Variants in RAPGEF4 observed in about 807,000 individuals in gnomAD.
The protein encoded by RAPGEF4 is Rap guanine nucleotide exchange factor 4.
In RAPGEF4, 66 loss-of-function variants were observed where a neutral mutation model predicts 147.9. The observed-to-expected ratio is 0.45, with a 90% CI of 0.37 to 0.55. The LOEUF (loss-of-function observed/expected upper bound fraction) is 0.55. RAPGEF4 is among the 20% of genes least tolerant of loss of function. The pLI is 0.00. For synonymous variants in RAPGEF4, 419 were observed against 442.7 expected, an observed-to-expected ratio of 0.95 and a Z score of 0.67; for missense variants, 1,071 against 1,257.3, an observed-to-expected ratio of 0.85 and a Z score of 2.24.
rs1407116894 is a variant in RAPGEF4, at chr2:172,829,956, TTATATTCCATA to T, written c.444+15547_444+15557del. Among the ~76,000 whole-genome samples the T allele has an allele frequency of 3.3e-5, 5 of 151,816 alleles. No individual in the cohort carries two copies. The East Asian group carries it at 5.8e-4, about 18-fold the overall frequency. On this transcript the variant is annotated intron_variant, in intron 4 of 30. Coordinates refer to ENST00000397081, the MANE Select transcript of RAPGEF4 (RefSeq NM_007023.4). Reference sequence around the variant, plus strand: ...GACATTTTTATATGCGTGTGCATTTTTATATTCCATATATATTCCATATATAATACATATAT... The same window carrying T: ...GACATTTTTATATGCGTGTGCATTTTTATATTCCATATATAATACATATAT...
chr2:172,793,305 T>A (rs1011135643), intron 1 of RAPGEF4, among the ~76,000 whole-genome samples: 1 of 152,206 alleles, frequency 6.6e-6, no homozygotes, highest in Admixed American at 6.5e-5. Context: ...CCAAAGAAGA[T>A]TACATGCACA....
chr2:172,941,230 G>T (rs191606824), intron 6 of RAPGEF4, among the ~76,000 whole-genome samples: 1 of 152,076 alleles, frequency 6.6e-6, no homozygotes, highest in Non-Finnish European at 1.5e-5. Flanking sequence ...TAGGACTTCC[G>T]GTATGATAGT....
intron 2 of RAPGEF4, among the ~76,000 whole-genome samples, chr2:172,796,198 G>A (rs1488519567): frequency 6.6e-6 from 1 of 152,146 alleles, no homozygotes; most frequent in Non-Finnish European, 1.5e-5. Flanking sequence ...GGGCATGAGT[G>A]TTTCTGGGTG....
intron 17 of RAPGEF4, among the ~76,000 whole-genome samples, chr2:173,009,227 G>T (rs1046692337): frequency 6.6e-6 from 1 of 152,074 alleles, no homozygotes. Context: ...TGGGATTCCG[G>T]GTAACTTAAT....
chr2:172,789,511 T>C (rs1288638432), intron 1 of RAPGEF4, among the ~76,000 whole-genome samples: 16 of 152,166 alleles, frequency 1.1e-4, no homozygotes. Flanking sequence ...AATTTTTAAG[T>C]GTAGGATATA....
chr2:172,841,807 CACACACACACT>C (rs150430110), intron 4 of RAPGEF4, among the ~76,000 whole-genome samples: 72 of 137,664 alleles, frequency 5.2e-4, no homozygotes, highest in South Asian at 1.0e-3. Flanking sequence ...CACACACACA[CACACACACACT>C]ACACACACAC....
intron 17 of RAPGEF4, among the ~76,000 whole-genome samples, chr2:173,009,920 T>C (rs1694847726): frequency 6.6e-6 from 1 of 152,252 alleles, no homozygotes; most frequent in Non-Finnish European, 1.5e-5. Flanking sequence ...CAACAAACTT[T>C]GAAGTCATCT....
At chr2:172,771,271 G>C (rs757835960) in intron 1 of RAPGEF4, among the ~76,000 whole-genome samples, 1 of 152,002 alleles carries the variant, frequency 6.6e-6, no homozygotes, top group Admixed American at 6.6e-5. Flanking sequence ...AAGCCCCCTT[G>C]GGCTTCTTTT....
At chr2:173,002,834 G>A (rs950104281) in intron 17 of RAPGEF4, among the ~76,000 whole-genome samples, 4 of 152,094 alleles carry the variant, frequency 2.6e-5, no homozygotes, top group South Asian at 2.1e-4. Context: ...CTGTTTTACC[G>A]AGTAATGATG....
intron 13 of RAPGEF4, among the ~76,000 whole-genome samples, chr2:172,988,486 G>A (rs565924636): frequency 5.3e-5 from 8 of 152,188 alleles, no homozygotes; most frequent in Non-Finnish European, 1.0e-4. Context: ...GGATTATAGT[G>A]TGTACATTTA....
At chr2:172,849,074 CTTTT>C (rs71018522) in intron 4 of RAPGEF4, among the ~76,000 whole-genome samples, 1 of 134,348 alleles carries the variant, frequency 7.4e-6, no homozygotes. Flanking sequence ...GGGAGCTTTT[CTTTT>C]TTTTTTTTTT....
intron 4 of RAPGEF4, among the ~76,000 whole-genome samples, chr2:172,839,211 T>C (rs1200471914): frequency 6.6e-6 from 1 of 151,516 alleles, no homozygotes; most frequent in African/African-American, 2.4e-5. Flanking sequence ...GGAACGGGGG[T>C]CCAAGAACGC....
At chr2:172,805,055 G>T (rs1440091845) in intron 3 of RAPGEF4, among the ~76,000 whole-genome samples, 1 of 152,182 alleles carries the variant, frequency 6.6e-6, no homozygotes, top group Non-Finnish European at 1.5e-5. Context: ...TCAGATAGTG[G>T]CATGGATTCC....
intron 10 of RAPGEF4, 22 bp from the exon 11 acceptor site, chr2:172,983,472 CTT>C (rs59582070): frequency 1.8e-3 from 2,698 of 1,479,132 alleles, no homozygotes; most frequent in South Asian, 6.5e-3. Context: ...TTCCATATTC[CTT>C]TTTTTTTTTT....
chr2:172,970,022 C>T (rs936774518), intron 10 of RAPGEF4, among the ~76,000 whole-genome samples: 22 of 152,198 alleles, frequency 1.4e-4, no homozygotes, highest in African/African-American at 4.6e-4. Flanking sequence ...TTAGGTTTTT[C>T]GAAACTTTGC....
rs1443116901 is a variant in RAPGEF4, at chr2:173,048,638, C to T, written c.2892C>T (p.Tyr964=). ...ATACGGCCAGAACAGTGAGATACTA[C>T]AGGAGCCAACCCTTCAGTAAGTTAA... ...IANTARTVRY[Y]RSQPFNPDAA... is the part of the protein sequence containing the mutation. Residue 964 remains tyrosine, a synonymous_variant, in exon 30 of 31, where the codon TAC becomes TAT. Transcript: ENST00000397081. 9 of 1,613,956 alleles carry T rather than the reference C, an allele frequency of 5.6e-6. No individual in the cohort carries two copies. The highest frequency in any genetic ancestry group is 7.6e-6 in the Non-Finnish European group (9 of 1,180,022).
At chr2:172,936,994 G>A (rs961769261) in intron 6 of RAPGEF4, among the ~76,000 whole-genome samples, 1 of 116,096 alleles carries the variant, frequency 8.6e-6, no homozygotes, top group Admixed American at 1.3e-4. Flanking sequence ...GAGACCAAGA[G>A]TTCAAGACCA....
At chr2:172,837,227 G>C (rs566731818) in intron 4 of RAPGEF4, among the ~76,000 whole-genome samples, 1 of 152,294 alleles carries the variant, frequency 6.6e-6, no homozygotes, top group Non-Finnish European at 1.5e-5. Flanking sequence ...CTATGGGCTT[G>C]TCATTATGCT....
At chr2:173,011,694 A>G (rs1695039953) in intron 17 of RAPGEF4, among the ~76,000 whole-genome samples, 1 of 152,212 alleles carries the variant, frequency 6.6e-6, no homozygotes, top group Non-Finnish European at 1.5e-5. Context: ...TACTCAAAGT[A>G]GTCGGTTAAT....
Sources: gnomAD v4.1 joint callset for allele counts (sites outside exome capture counted in the v4.1 genomes callset) on GRCh38, gnomAD v4.1.1 for gene constraint, MANE v1.5 for transcripts, NCBI Gene and HGNC (gene_info 2026-07-23, HGNC 2026-07-21) for gene names.